Variants in TBC1D22A observed in about 807,000 individuals in gnomAD.
TBC1D22A encodes putative GTPase activator.
A neutral mutation model predicts 60.2 loss-of-function variants in TBC1D22A; 38 were observed. That is an observed-to-expected ratio of 0.63 (90% CI 0.49 to 0.83). The LOEUF (loss-of-function observed/expected upper bound fraction) is 0.83, where lower values mean the gene tolerates loss of function less well. Ranked by LOEUF, TBC1D22A falls within the 40% of genes least tolerant of loss-of-function variation. The pLI, the probability that TBC1D22A is intolerant of heterozygous loss-of-function variation, is 0.00. For missense variants in TBC1D22A, 628 were observed against 701.0 expected (o/e 0.90, Z 1.18); for synonymous variants, 302 against 281.7 (o/e 1.07, Z -0.72).
At chr22:47,143,056 A>T (rs1323541356) in intron 12 of TBC1D22A, among the ~76,000 whole-genome samples, 2 of 151,832 alleles carry the variant, frequency 1.3e-5, no homozygotes, top group Non-Finnish European at 2.9e-5. Context: ...AGACATTAAG[A>T]ACCACCCAAC....
chr22:46,825,887 T>G (rs1002917745), intron 4 of TBC1D22A, among the ~76,000 whole-genome samples: 1 of 147,184 alleles, frequency 6.8e-6, no homozygotes, highest in Admixed American at 6.8e-5. Context: ...GTGGTCTTCT[T>G]TTTTTTTTTT....
rs375899368 is a variant in TBC1D22A, at chr22:46,980,313, G to A, written c.1125+5914G>A. The stretch of plus-strand genomic sequence containing the variant: ...TTCTCCTGTCTCAGCCTCCTGAGTG[G>A]CTAGGACTACAGGTGCCCACCACCA... On this transcript the variant is annotated intron_variant, in intron 9 of 12. Transcript: ENST00000337137. 2.7e-4 allele frequency among the ~76,000 whole-genome samples: 41 copies of A among 152,272 alleles called. No homozygotes were observed. In the East Asian group the frequency reaches 4.8e-3, roughly 18 times the overall value.
chr22:47,175,601 G>C lies in TBC1D22A; in HGVS notation c.*1975G>C, dbSNP rs577098371. On this transcript the variant is annotated 3_prime_UTR_variant, in exon 13 of 13. Coordinates refer to ENST00000337137, the MANE Select transcript of TBC1D22A (RefSeq NM_014346.5). ...ACTGAATGTGAGAGGTGTTGGCCGC[G>C]GGCCTTAAGTCTGAGCAGATCCATC... The C allele has an allele frequency of 5.3e-5, 8 of 152,192 alleles. No individual in the cohort carries two copies. Among genetic ancestry groups the C allele is most frequent in the Non-Finnish European group, 7.3e-5 (5 of 68,094 alleles). 9.4% of individuals were successfully genotyped at this position (152,192 alleles called of 1,614,324 possible). A position where few individuals can be genotyped will look rare whatever the true frequency, so the allele number is the denominator to read the frequency against.
chr22:47,140,530 G>T (rs2067041474), intron 12 of TBC1D22A, among the ~76,000 whole-genome samples: 1 of 151,008 alleles, frequency 6.6e-6, no homozygotes, highest in African/African-American at 2.4e-5. Context: ...CTCCAGCCTG[G>T]GTGACAGAGT....
chr22:46,781,164 G>A (rs58513758), intron 1 of TBC1D22A, among the ~76,000 whole-genome samples: 2,370 of 147,808 alleles, frequency 0.016, 69 homozygotes, highest in African/African-American at 0.057. Flanking sequence ...TTTTAGACAG[G>A]GTGTCATTCT....
intron 4 of TBC1D22A, among the ~76,000 whole-genome samples, chr22:46,857,726 G>C (rs1343891326): frequency 6.6e-6 from 1 of 152,002 alleles, no homozygotes; most frequent in Non-Finnish European, 1.5e-5. Context: ...CATATAAATG[G>C]AATCACACAA....
Position 46,995,000 on chromosome 22 carries a change from C to T in TBC1D22A, c.1126-2634C>T, listed in dbSNP as rs574143215. On this transcript the variant is annotated intron_variant, in intron 9 of 12. Transcript: ENST00000337137. The stretch of plus-strand genomic sequence containing the variant: ...AATTTGTCCTTAGCTGTTGCTGCGG[C>T]TCCCTCTCAGCCGGACAGGTGCCTG... 1.8e-4 allele frequency among the ~76,000 whole-genome samples: 27 copies of T among 152,366 alleles called. No homozygotes were observed. The East Asian group carries it at 5.0e-3, about 28-fold the overall frequency.
intron 12 of TBC1D22A, among the ~76,000 whole-genome samples, chr22:47,146,481 C>G (rs894700452): frequency 5.3e-5 from 8 of 152,208 alleles, no homozygotes; most frequent in African/African-American, 1.9e-4. Flanking sequence ...CTCCTTTGGG[C>G]CAGGCCAAGA....
chr22:47,161,334 C>T (rs2067977643), intron 12 of TBC1D22A, among the ~76,000 whole-genome samples: 1 of 82,894 alleles, frequency 1.2e-5, no homozygotes, highest in South Asian at 2.6e-4. Flanking sequence ...CCGTGAGTCT[C>T]TTGGTATGGG....
chr22:47,107,158 T>C (rs879350386), intron 11 of TBC1D22A, among the ~76,000 whole-genome samples: 8 of 152,198 alleles, frequency 5.3e-5, no homozygotes, highest in Non-Finnish European at 1.0e-4. Flanking sequence ...ATTAAAATAA[T>C]AGAAACAATT....
At chr22:47,135,468 C>T (rs549810993) in intron 12 of TBC1D22A, among the ~76,000 whole-genome samples, 6 of 152,134 alleles carry the variant, frequency 3.9e-5, no homozygotes, top group Admixed American at 1.3e-4. Flanking sequence ...AGGCAGCAGT[C>T]GGGGTAGGGG....
chr22:46,991,617 G>C (rs1569311464), intron 9 of TBC1D22A, among the ~76,000 whole-genome samples: 1 of 152,208 alleles, frequency 6.6e-6, no homozygotes, highest in Non-Finnish European at 1.5e-5. Flanking sequence ...GTTGCCTCGT[G>C]AATGATACCC....
intron 4 of TBC1D22A, among the ~76,000 whole-genome samples, chr22:46,801,421 G>A (rs2084890805): frequency 6.6e-6 from 1 of 152,268 alleles, no homozygotes; most frequent in Admixed American, 6.5e-5. Context: ...ATTCTGTCCA[G>A]CGGAGTGCTG....
chr22:46,849,661 T>C (rs2087179858), intron 4 of TBC1D22A, among the ~76,000 whole-genome samples: 1 of 152,170 alleles, frequency 6.6e-6, no homozygotes, highest in South Asian at 2.1e-4. Context: ...GGTTCATTTA[T>C]TGTCTCTGTT....
chr22:46,935,215 C>T (rs2071576001), intron 8 of TBC1D22A, among the ~76,000 whole-genome samples: 1 of 152,140 alleles, frequency 6.6e-6, no homozygotes, highest in Non-Finnish European at 1.5e-5. Flanking sequence ...GAGTAGAGTC[C>T]AACATTAGCA....
chr22:46,853,296 G>A (rs1170157707), intron 4 of TBC1D22A, among the ~76,000 whole-genome samples: 2 of 152,220 alleles, frequency 1.3e-5, no homozygotes, highest in Non-Finnish European at 2.9e-5. Context: ...GGCACCTCTA[G>A]GATCTGAGCA....
chr22:47,059,192 A>G (rs149824378), intron 11 of TBC1D22A, among the ~76,000 whole-genome samples: 1 of 152,376 alleles, frequency 6.6e-6, no homozygotes, highest in African/African-American at 2.4e-5. Context: ...GGGACAGGCC[A>G]TGCCGTGTGG....
At chr22:46,811,203 T>A (rs967377107) in intron 4 of TBC1D22A, among the ~76,000 whole-genome samples, 1 of 152,278 alleles carries the variant, frequency 6.6e-6, no homozygotes, top group East Asian at 1.9e-4. Context: ...TTGGTGCCTG[T>A]CCGTGGCCTG....
chr22:46,776,093 A>T (rs1016958212), intron 1 of TBC1D22A, among the ~76,000 whole-genome samples: 6 of 152,246 alleles, frequency 3.9e-5, no homozygotes, highest in Non-Finnish European at 7.3e-5. Flanking sequence ...CGGAGGGGCC[A>T]GGAAGCCCTG....
Sources: gnomAD v4.1 joint callset for allele counts (sites outside exome capture counted in the v4.1 genomes callset) on GRCh38, gnomAD v4.1.1 for gene constraint, MANE v1.5 for transcripts, NCBI Gene and HGNC (gene_info 2026-07-23, HGNC 2026-07-21) for gene names.